Variants in ESRP1 observed in about 807,000 individuals in gnomAD.
The protein encoded by ESRP1 is RNA-binding motif protein 35A.
Under a neutral mutation model 81.7 loss-of-function variants are expected in ESRP1, and 33 were observed. The observed-to-expected ratio is 0.40, with a 90% CI of 0.31 to 0.54. ESRP1 has a LOEUF of 0.54. Among genes scored for constraint, ESRP1 ranks in the 20% least tolerant of loss-of-function variants. ESRP1 has a pLI of 0.41. For missense variants in ESRP1, 672 were observed against 833.1 expected (o/e 0.81, Z 2.38); for synonymous variants, 320 against 303.3 (o/e 1.06, Z -0.57).
intron 13 of ESRP1, among the ~76,000 whole-genome samples, chr8:94,685,495 G>A (rs1309082273): frequency 2.0e-5 from 3 of 152,106 alleles, no homozygotes; most frequent in African/African-American, 4.8e-5. Flanking sequence ...GGTTGACAGT[G>A]AGACCCTGTC....
chr8:94,676,325 C>T (rs1188032293), intron 12 of ESRP1, among the ~76,000 whole-genome samples: 2 of 141,404 alleles, frequency 1.4e-5, no homozygotes, highest in Non-Finnish European at 3.0e-5. Flanking sequence ...ATACTTCAGC[C>T]TGGGCGACAG....
intron 15 of ESRP1, among the ~76,000 whole-genome samples, chr8:94,699,122 A>G (rs1809715528): frequency 6.6e-6 from 1 of 152,204 alleles, no homozygotes. Context: ...TTAAATAAGT[A>G]TACTGAATAA....
Position 94,678,188 on chromosome 8 carries a change from T to C in ESRP1, c.1652-15T>C, listed in dbSNP as rs1808718648. 1 of 1,613,112 alleles carries C rather than the reference T, an allele frequency of 6.2e-7. No individual in the cohort carries two copies. Among genetic ancestry groups the C allele is most frequent in the African/African-American group, 1.3e-5 (1 of 74,908 alleles). On this transcript the variant is annotated splice_polypyrimidine_tract_variant and intron_variant, in intron 12 of 15. Transcript: ENST00000433389. ...TTACAAATATGTCTCAAAGAATCTC[T>C]CTTTGCATATCTAGGCCTGTCTCCT...
intron 13 of ESRP1, among the ~76,000 whole-genome samples, chr8:94,685,593 G>A (rs1208509528): frequency 6.6e-6 from 1 of 152,076 alleles, no homozygotes; most frequent in African/African-American, 2.4e-5. Context: ...CCTGAGGTTA[G>A]GAGTTCAAGA....
At chr8:94,683,169 C>T (rs1180114373) in intron 13 of ESRP1, among the ~76,000 whole-genome samples, 1 of 151,332 alleles carries the variant, frequency 6.6e-6, no homozygotes, top group East Asian at 1.9e-4. Context: ...GTCTCCAACT[C>T]CAGACCTCAA....
rs551086170 is a variant in ESRP1 at position 94,695,416 on chromosome 8, G to A, written c.1972-1436G>A. On this transcript the variant is annotated intron_variant, in intron 14 of 15. Transcript: ENST00000433389. ...GTCGCCCAGGCTGGAGTGCAGTGGC[G>A]CAATCTCGGCTCACTGCAACCTCCA... 3.1e-3 allele frequency among the ~76,000 whole-genome samples: 377 copies of A among 123,334 alleles called. 4 individuals are homozygous for A. The Middle Eastern group carries it at 0.059, about 19-fold the overall frequency. 80.9% of individuals were successfully genotyped at this position (123,334 alleles called of 152,430 possible).
chr8:94,676,936 C>T (rs1036939878), intron 12 of ESRP1, among the ~76,000 whole-genome samples: 6 of 151,924 alleles, frequency 3.9e-5, no homozygotes, highest in African/African-American at 1.2e-4. Context: ...GCAGATCACC[C>T]GAAGTCAGGA....
Position 94,686,181 on chromosome 8 carries a change from G to A in ESRP1, c.1821-6496G>A, listed in dbSNP as rs571934390. ...TGACCTCCAGTGATCCACCCGCCTC[G>A]GCCTCCCAAAGTGCTGGGATTACAG... is the stretch of plus-strand genomic sequence containing the variant. On this transcript the variant is annotated intron_variant, in intron 13 of 15. Coordinates refer to ENST00000433389, the MANE Select transcript of ESRP1 (RefSeq NM_017697.4). Among the ~76,000 whole-genome samples the A allele has an allele frequency of 4.6e-5, 7 of 152,216 alleles. No individual in the cohort carries two copies. The South Asian group carries it at 1.0e-3, about 23-fold the overall frequency.
rs181141817 is a variant in ESRP1 at position 94,706,998 on chromosome 8, C to T, written c.*1109C>T. 8 of 152,292 alleles carry T rather than the reference C, an allele frequency of 5.3e-5. No homozygotes were observed. Among genetic ancestry groups the T allele is most frequent in the Admixed American group, 5.2e-4 (8 of 15,296 alleles). 9.4% of individuals were successfully genotyped at this position (152,292 alleles called of 1,614,324 possible). A position where few individuals can be genotyped will look rare whatever the true frequency, so the allele number is the denominator to read the frequency against. On this transcript the variant is annotated 3_prime_UTR_variant, in exon 16 of 16. Transcript: ENST00000433389. ...TGTCAGTGTTTAACACTATGTTTAG[C>T]TGTGTTTATGCTATAAAAGTGCAAT...
At chr8:94,655,803 A>G (rs889469554) in intron 4 of ESRP1, 5 of 152,138 alleles carry the variant, frequency 3.3e-5, no homozygotes, top group African/African-American at 1.2e-4. Flanking sequence ...AGGTTGGACA[A>G]TCATTTGAAC....
At chr8:94,673,921 T>C (rs1159359926) in intron 11 of ESRP1, among the ~76,000 whole-genome samples, 1 of 152,218 alleles carries the variant, frequency 6.6e-6, no homozygotes, top group Non-Finnish European at 1.5e-5. Flanking sequence ...CCAGTGCTGG[T>C]TCTGTTACTA....
chr8:94,642,248 G>A (rs1266895279), intron 2 of ESRP1, among the ~76,000 whole-genome samples, 164 bp downstream of exon 2: 2 of 152,266 alleles, frequency 1.3e-5, no homozygotes, highest in African/African-American at 4.8e-5. Flanking sequence ...CACCGTTTGG[G>A]CGGGGGTCGC....
At chr8:94,697,175 G>A (rs1388299107) in intron 15 of ESRP1, among the ~76,000 whole-genome samples, 1 of 152,126 alleles carries the variant, frequency 6.6e-6, no homozygotes, top group Non-Finnish European at 1.5e-5. Context: ...TTGTTACTGT[G>A]GGGCAAGGGA....
intron 14 of ESRP1, among the ~76,000 whole-genome samples, chr8:94,695,071 G>A (rs1809543805): frequency 6.6e-6 from 1 of 152,046 alleles, no homozygotes; most frequent in Non-Finnish European, 1.5e-5. Context: ...AAGAGTACAT[G>A]CCTTCTTGTT....
rs1201509382 is a variant in ESRP1, at chr8:94,641,771, C to T, written c.133-185C>T. 1.9e-5 allele frequency: 17 copies of T among 872,586 alleles called. No homozygotes were observed. In the African/African-American group the frequency reaches 3.6e-4, roughly 18 times the overall value. 54.1% of individuals were successfully genotyped at this position (872,586 alleles called of 1,614,324 possible). A position where few individuals can be genotyped will look rare whatever the true frequency, so the allele number is the denominator to read the frequency against. Reference sequence around the variant, plus strand: ...GGTCCACTTCCAGGGCTTTTCCGACCTATCGGGTGGGGGGTGGGGCGGGGG... The same window carrying T: ...GGTCCACTTCCAGGGCTTTTCCGACTTATCGGGTGGGGGGTGGGGCGGGGG... On this transcript the variant is annotated intron_variant, in intron 1 of 15. Coordinates refer to ENST00000433389, the MANE Select transcript of ESRP1 (RefSeq NM_017697.4).
At chr8:94,694,375 G>A (rs1481580663) in intron 14 of ESRP1, among the ~76,000 whole-genome samples, 4 of 152,176 alleles carry the variant, frequency 2.6e-5, no homozygotes, top group African/African-American at 4.8e-5. Flanking sequence ...GGGAGACTGA[G>A]GTGGGTGGAT....
chr8:94,684,846 A>G (rs1809072121), intron 13 of ESRP1, among the ~76,000 whole-genome samples: 1 of 152,074 alleles, frequency 6.6e-6, no homozygotes, highest in Non-Finnish European at 1.5e-5. Context: ...GCTGGAGCCC[A>G]GGAGTTCGAG....
rs763816459 is a variant in ESRP1 at position 94,660,630 on chromosome 8, C to T, written c.491-1642C>T. On this transcript the variant is annotated intron_variant, in intron 4 of 15. Coordinates refer to ENST00000433389, the MANE Select transcript of ESRP1 (RefSeq NM_017697.4). ...GCGCGTGCCTGTAATTCCACCTGCT[C>T]GGGAGGCTGAGGTAGAGGTTGCAGT... Among the ~76,000 whole-genome samples, 19 of 144,004 alleles carry T rather than the reference C, an allele frequency of 1.3e-4. No homozygotes were observed. In the South Asian group the frequency reaches 1.6e-3, roughly 12 times the overall value. The allele number at this position is 144,004 out of a possible 152,430, so 94.5% of individuals were successfully genotyped here. A position where few individuals can be genotyped will look rare whatever the true frequency, so the allele number is the denominator to read the frequency against.
rs529171659 is a variant in ESRP1 at position 94,644,474 on chromosome 8, C to G, written c.375+1058C>G. Among the ~76,000 whole-genome samples the G allele has an allele frequency of 1.9e-3, 290 of 152,190 alleles. 1 individual carries two copies. The highest frequency in any genetic ancestry group is 6.4e-3 in the African/African-American group (264 of 41,522). On this transcript the variant is annotated intron_variant, in intron 3 of 15. Coordinates refer to ENST00000433389, the MANE Select transcript of ESRP1 (RefSeq NM_017697.4). The stretch of plus-strand genomic sequence containing the variant: ...TTGTTATGTCTTCAGAAAATCATTC[C>G]TTTTATACGAGTCTTAGTAATTATT...
Sources: allele counts gnomAD v4.1 joint callset (sites outside exome capture counted in the v4.1 genomes callset), GRCh38; gene constraint gnomAD v4.1.1; transcripts MANE v1.5; gene names NCBI Gene and HGNC (gene_info 2026-07-23, HGNC 2026-07-21).